Variants in VTI1A observed in about 807,000 individuals in gnomAD.
The protein encoded by VTI1A is vesicle transport through interaction with t-SNAREs 1A.
Under a neutral mutation model 34.9 loss-of-function variants are expected in VTI1A, and 22 were observed. That is an observed-to-expected ratio of 0.63 (90% CI 0.45 to 0.90). VTI1A has a LOEUF of 0.90. Ranked by LOEUF, VTI1A falls within the 40% of genes least tolerant of loss-of-function variation. VTI1A has a pLI of 0.00. For missense variants in VTI1A, 268 were observed against 275.6 expected (o/e 0.97, Z 0.20); for synonymous variants, 87 against 97.3 (o/e 0.89, Z 0.62).
intron 7 of VTI1A, among the ~76,000 whole-genome samples, chr10:112,741,284 C>T (rs1418189976): frequency 2.6e-5 from 4 of 152,132 alleles, no homozygotes; most frequent in South Asian, 2.1e-4. Flanking sequence ...GGTGGAACCC[C>T]GTCCTACTAA....
chr10:112,521,890 CT>C (rs1406466706), intron 3 of VTI1A, among the ~76,000 whole-genome samples: 1 of 151,758 alleles, frequency 6.6e-6, no homozygotes, highest in East Asian at 1.9e-4. Context: ...ATTGATGAGC[CT>C]TTTTGAGTCC....
chr10:112,840,345 C>G, the VTI1A span, among the ~76,000 whole-genome samples: 465 of 152,230 alleles, frequency 3.1e-3, 4 homozygotes, highest in African/African-American at 0.01. Context: ...CTAGTTATCC[C>G]ACCCACGAGT....
chr10:112,600,118 C>T (rs971690624), intron 5 of VTI1A, among the ~76,000 whole-genome samples: 2 of 152,094 alleles, frequency 1.3e-5, no homozygotes, highest in Non-Finnish European at 2.9e-5. Context: ...AGTTATTTAC[C>T]ACCACATCAC....
chr10:112,742,581 C>CT (rs1307467839), intron 7 of VTI1A, among the ~76,000 whole-genome samples: 1 of 152,186 alleles, frequency 6.6e-6, no homozygotes, highest in Non-Finnish European at 1.5e-5. Context: ...GGAGTGGAGG[C>CT]TGCTAAATGG....
Position 112,464,776 on chromosome 10 carries a change from T to A in VTI1A, c.264+119T>A, listed in dbSNP as rs1437010847. On this transcript the variant is annotated intron_variant, in intron 3 of 7. Transcript: ENST00000393077. ...CTCATGTAGAAGACAAGTAACAGCT[T>A]TCATTCTTTATGAGTTAGGGATCTA... 13 of 824,098 alleles carry A rather than the reference T, an allele frequency of 1.6e-5. No individual in the cohort carries two copies. The East Asian group carries it at 3.5e-4, about 22-fold the overall frequency. The allele number at this position is 824,098 out of a possible 1,614,324, so 51.0% of individuals were successfully genotyped here. A position where few individuals can be genotyped will look rare whatever the true frequency, so the allele number is the denominator to read the frequency against.
chr10:112,817,608 T>A lies in VTI1A; in HGVS notation c.*2225T>A, dbSNP rs1853562211. ...GCTAGTGAGTGCTTTGTGAGGAAGC[T>A]GGTCAGAAGGTTCCCTCAACTCCTT... On this transcript the variant is annotated 3_prime_UTR_variant, in exon 8 of 8. Transcript: ENST00000393077. 1.7e-5 allele frequency: 4 copies of A among 229,110 alleles called. No individual in the cohort carries two copies. Among genetic ancestry groups the A allele is most frequent in the Non-Finnish European group, 3.5e-5 (4 of 115,504 alleles). The allele number at this position is 229,110 out of a possible 1,614,324, so 14.2% of individuals were successfully genotyped here. A position where few individuals can be genotyped will look rare whatever the true frequency, so the allele number is the denominator to read the frequency against.
chr10:112,595,306 CAAATGGGATCTAATT>C (rs1259371971), intron 5 of VTI1A, among the ~76,000 whole-genome samples: 5 of 149,724 alleles, frequency 3.3e-5, no homozygotes, highest in African/African-American at 4.9e-5. Flanking sequence ...CCAAAATTGA[CAAATGGGATCTAATT>C]AAATTAAAGA....
intron 7 of VTI1A, among the ~76,000 whole-genome samples, chr10:112,707,947 A>G (rs936713334): frequency 9.2e-5 from 14 of 152,226 alleles, no homozygotes; most frequent in Non-Finnish European, 2.1e-4. Context: ...TAGCAGCTGC[A>G]GTCCTGGTTG....
intron 7 of VTI1A, among the ~76,000 whole-genome samples, chr10:112,714,737 G>T (rs556349746): frequency 6.6e-6 from 1 of 152,212 alleles, no homozygotes; most frequent in African/African-American, 2.4e-5. Context: ...AGGCACAGGA[G>T]GATCAGGAAA....
At chr10:112,761,796 G>GTGTGTA (rs1554958842) in intron 7 of VTI1A, among the ~76,000 whole-genome samples, 3 of 147,896 alleles carry the variant, frequency 2.0e-5, no homozygotes, top group Non-Finnish European at 3.0e-5. Flanking sequence ...GTGTGTGTGT[G>GTGTGTA]TGTATGTATA....
chr10:112,605,913 C>G (rs897255412), intron 5 of VTI1A, among the ~76,000 whole-genome samples: 6 of 152,152 alleles, frequency 3.9e-5, no homozygotes, highest in Admixed American at 3.3e-4. Flanking sequence ...AGTATGTTCT[C>G]TTTAAAGTAT....
the VTI1A span, among the ~76,000 whole-genome samples, chr10:112,845,579 T>A: frequency 6.6e-6 from 1 of 152,148 alleles, no homozygotes; most frequent in African/African-American, 2.4e-5. Flanking sequence ...TAGCTTCGTC[T>A]CTCCTGAGAG....
chr10:112,670,061 T>C (rs573082023), intron 7 of VTI1A, among the ~76,000 whole-genome samples: 1 of 152,194 alleles, frequency 6.6e-6, no homozygotes, highest in Non-Finnish European at 1.5e-5. Flanking sequence ...AGCCATCAAA[T>C]TCTGTGATTA....
chr10:112,644,922 G>A (rs1846715064), intron 5 of VTI1A, among the ~76,000 whole-genome samples: 1 of 152,156 alleles, frequency 6.6e-6, no homozygotes, highest in Non-Finnish European at 1.5e-5. Context: ...TAACAAAATA[G>A]TACAATTATT....
At chr10:112,617,466 T>TA (rs1393191838) in intron 5 of VTI1A, among the ~76,000 whole-genome samples, 2 of 151,972 alleles carry the variant, frequency 1.3e-5, no homozygotes, top group Non-Finnish European at 1.5e-5. Flanking sequence ...TTACTAAATC[T>TA]AAAAAAATTA....
chr10:112,635,418 A>G (rs1020321142), intron 5 of VTI1A, among the ~76,000 whole-genome samples: 1 of 152,232 alleles, frequency 6.6e-6, no homozygotes, highest in African/African-American at 2.4e-5. Context: ...AGAGGTGGCC[A>G]AGTCTAGAAT....
chr10:112,486,848 C>G (rs987514951), intron 3 of VTI1A, among the ~76,000 whole-genome samples: 3 of 151,874 alleles, frequency 2.0e-5, no homozygotes, highest in African/African-American at 7.3e-5. Flanking sequence ...TGGCCAATCC[C>G]TAGGCCACAG....
At chr10:112,794,499 C>CTAT (rs1265394293) in intron 7 of VTI1A, among the ~76,000 whole-genome samples, 1 of 152,052 alleles carries the variant, frequency 6.6e-6, no homozygotes, top group Non-Finnish European at 1.5e-5. Context: ...TTGCAATGAG[C>CTAT]TATAATCACG....
rs1046685031 is a variant in VTI1A, at chr10:112,447,234, G to A, written c.-140G>A. On this transcript the variant is annotated 5_prime_UTR_variant, in exon 1 of 8. Coordinates refer to ENST00000393077, the MANE Select transcript of VTI1A (RefSeq NM_145206.4). ...TGCGACGAACAACCAGGAAGCGGCT[G>A]GGTTGAGAGCTGTCCCCGGTTCTCC... 8 of 776,816 alleles carry A rather than the reference G, an allele frequency of 1.0e-5. No individual in the cohort carries two copies. The highest frequency in any genetic ancestry group is 4.0e-4 in the Middle Eastern group (1 of 2,502). 48.1% of individuals were successfully genotyped at this position (776,816 alleles called of 1,614,324 possible).
Sources: allele counts gnomAD v4.1 joint callset (sites outside exome capture counted in the v4.1 genomes callset), GRCh38; gene constraint gnomAD v4.1.1; transcripts MANE v1.5; gene names NCBI Gene and HGNC (gene_info 2026-07-23, HGNC 2026-07-21).